Variants in N4BP2 observed in about 807,000 individuals in gnomAD.
N4BP2 encodes NEDD4 binding protein 2.
Under a neutral mutation model 152.8 loss-of-function variants are expected in N4BP2, and 91 were observed. The observed-to-expected ratio is 0.60, with a 90% confidence interval of 0.50 to 0.71. The LOEUF (loss-of-function observed/expected upper bound fraction) is 0.71, where lower values mean the gene tolerates loss of function less well. Among genes scored for constraint, N4BP2 ranks in the 30% least tolerant of loss-of-function variants. The pLI is 0.00. For missense variants in N4BP2, 1,923 were observed against 2,059.1 expected (o/e 0.93, Z 1.28); for synonymous variants, 646 against 705.3 (o/e 0.92, Z 1.33).
the N4BP2 span, among the ~76,000 whole-genome samples, chr4:40,168,559 AG>A: frequency 1.4e-5 from 2 of 144,364 alleles, no homozygotes; most frequent in Admixed American, 7.2e-5. Flanking sequence ...TATAAATATA[AG>A]GATAACATCA....
In N4BP2 at chr4:40,102,354, T is replaced by A; in HGVS notation, c.509T>A (p.Val170Asp). Residue 170 changes from valine to aspartate, a missense_variant, in exon 4 of 18, where the codon GTT becomes GAT. By Grantham distance (152) the Val-to-Asp change is radical. Transcript: ENST00000261435. ...TACTCATTTTTGCCTTCACAAGATG[T>A]TAATAGTTTTAATGACTCAAGTGAG... ...QVYSFLPSQD[V>D]NSFNDSSEFI... The A allele has an allele frequency of 6.2e-7, 1 of 1,613,272 alleles. No homozygotes were observed. Among genetic ancestry groups the A allele is most frequent in the Non-Finnish European group, 8.5e-7 (1 of 1,179,762 alleles).
chr4:40,108,463 G>A (rs6849159), intron 5 of N4BP2, among the ~76,000 whole-genome samples: 3,546 of 151,676 alleles, frequency 0.023, 141 homozygotes, highest in African/African-American at 0.08. Context: ...TTACAGGCAC[G>A]TGCCACCATG....
Position 40,142,700 on chromosome 4 carries a change from A to C in N4BP2, c.4813A>C (p.Thr1605Pro), listed in dbSNP as rs1720139155. 3.7e-6 allele frequency: 6 copies of C among 1,611,088 alleles called. No homozygotes were observed. The highest frequency in any genetic ancestry group is 5.1e-6 in the Non-Finnish European group (6 of 1,179,180). ...AAAGAAATTAAAAGAGACTGAAGAA[A>C]CACCAAGTGAACTGTCTTTCCAGGA... ...KPKKLKETEE[T>P]PSELSFQDFE... Residue 1605 changes from threonine to proline, a missense_variant, in exon 15 of 18, where the codon ACA becomes CCA. Thr to Pro is a conservative substitution (Grantham distance 38, BLOSUM62 -1). Transcript: ENST00000261435.
intron 5 of N4BP2, among the ~76,000 whole-genome samples, chr4:40,110,912 A>G (rs1716815831): frequency 6.6e-6 from 1 of 152,070 alleles, no homozygotes; most frequent in Non-Finnish European, 1.5e-5. Flanking sequence ...AACTTTGAAA[A>G]CTTCCAAATA....
intron 14 of N4BP2, among the ~76,000 whole-genome samples, chr4:40,137,337 GTA>G (rs1368890523): frequency 6.6e-6 from 1 of 152,170 alleles, no homozygotes; most frequent in East Asian, 1.9e-4. Context: ...ACACAGTAGA[GTA>G]TGTGGTTTAA....
chr4:40,182,803 A>G, the N4BP2 span, among the ~76,000 whole-genome samples: 11 of 151,940 alleles, frequency 7.2e-5, no homozygotes, highest in Non-Finnish European at 1.5e-4. Flanking sequence ...CAGCCTCCCA[A>G]GTAGCTGGGA....
chr4:40,126,061 TATAAC>T lies in N4BP2; in HGVS notation c.4331-71_4331-67del, dbSNP rs546755427. The T allele has an allele frequency of 6.8e-4, 647 of 955,942 alleles. 5 individuals are homozygous for T. The East Asian group carries it at 0.018, about 26-fold the overall frequency. The allele number at this position is 955,942 out of a possible 1,614,324, so 59.2% of individuals were successfully genotyped here. On this transcript the variant is annotated intron_variant, in intron 11 of 17. Coordinates refer to ENST00000261435, the MANE Select transcript of N4BP2 (RefSeq NM_018177.6). ...CTGTTTCCTTGGTCTCTGAGGTAAA[TATAAC>T]AGAGTGAATAATGTTTAATTTATAC...
intron 5 of N4BP2, among the ~76,000 whole-genome samples, chr4:40,110,793 A>G (rs1274777031): frequency 6.6e-6 from 1 of 152,138 alleles, no homozygotes; most frequent in Non-Finnish European, 1.5e-5. Context: ...CCGCCTCAGT[A>G]TCCCAAAGTG....
intron 15 of N4BP2, among the ~76,000 whole-genome samples, chr4:40,143,493 G>A (rs1177899684): frequency 2.0e-5 from 3 of 151,934 alleles, no homozygotes; most frequent in Admixed American, 2.0e-4. Flanking sequence ...TTTGTATGGG[G>A]TCTTACCATG....
At chr4:40,088,779 C>T (rs778848479) in intron 2 of N4BP2, among the ~76,000 whole-genome samples, 4 of 152,204 alleles carry the variant, frequency 2.6e-5, no homozygotes, top group African/African-American at 4.8e-5. Context: ...GGATTACAGG[C>T]ATGAGCCACC....
At chr4:40,088,053 C>T (rs770342383) in intron 2 of N4BP2, among the ~76,000 whole-genome samples, 28 of 152,266 alleles carry the variant, frequency 1.8e-4, no homozygotes, top group African/African-American at 5.5e-4. Flanking sequence ...CCACCACGCC[C>T]GGCTACGACT....
At chr4:40,057,229 G>A (rs939076282) in intron 1 of N4BP2, 199 bp downstream of exon 1, 2 of 152,282 alleles carry the variant, frequency 1.3e-5, no homozygotes, top group African/African-American at 4.8e-5. Context: ...CCGGACGGAA[G>A]GGAAGTGAGG....
the N4BP2 span, among the ~76,000 whole-genome samples, chr4:40,181,825 G>A: frequency 1.3e-5 from 2 of 152,146 alleles, no homozygotes; most frequent in South Asian, 2.1e-4. Context: ...GGCACACACC[G>A]GTAGTCCCAA....
In N4BP2 at chr4:40,152,908, G is replaced by T. The variant is rs1196475731; in HGVS notation, c.5267+5G>T. 1 of 1,613,328 alleles carries T rather than the reference G, an allele frequency of 6.2e-7. No individual in the cohort carries two copies. Among genetic ancestry groups the T allele is most frequent in the Non-Finnish European group, 8.5e-7 (1 of 1,179,734 alleles). On this transcript the variant is annotated splice_donor_5th_base_variant and intron_variant, in intron 17 of 17. Transcript: ENST00000261435. ...CCTCATAAGCCATAGCTTCAGGTGA[G>T]TGTAGATTTCTGTTATTAATAATGG...
At chr4:40,117,796 A>C in intron 7 of N4BP2, 73 bp from the exon 8 acceptor site, 2 of 1,271,696 alleles carry the variant, frequency 1.6e-6, no homozygotes, top group Non-Finnish European at 2.2e-6. Flanking sequence ...TTGTTTTCCT[A>C]GACATATGTT....
intron 1 of N4BP2, among the ~76,000 whole-genome samples, chr4:40,057,625 C>T (rs1374938522): frequency 2.0e-5 from 3 of 152,182 alleles, no homozygotes; most frequent in Admixed American, 1.3e-4. Flanking sequence ...CTGCCCCCAT[C>T]TGCAACTTTG....
At chr4:40,179,393 G>A in the N4BP2 span, among the ~76,000 whole-genome samples, 2 of 152,012 alleles carry the variant, frequency 1.3e-5, no homozygotes, top group African/African-American at 2.4e-5. Flanking sequence ...ACAAACAAAC[G>A]AAAAACATTT....
chr4:40,120,008 A>G lies in N4BP2; in HGVS notation c.1897A>G (p.Thr633Ala). 1 of 1,578,988 alleles carries G rather than the reference A, an allele frequency of 6.3e-7. No homozygotes were observed. Among genetic ancestry groups the G allele is most frequent in the Non-Finnish European group, 8.7e-7 (1 of 1,152,106 alleles). ...LSLSLKHLEF[T>A]EEKNLDVTKE... ...TTTATCTTTGAAGCATCTAGAGTTC[A>G]CTGAAGAGAAGAATCTTGATGTAAC... is the stretch of plus-strand genomic sequence containing the variant. The change falls in exon 9 of 18, where the codon ACT becomes GCT. Residue 633 changes from threonine (T) to alanine (A), a missense_variant. Physicochemically the swap from Thr to Ala is moderately conservative, Grantham distance 58. Coordinates refer to ENST00000261435, the MANE Select transcript of N4BP2 (RefSeq NM_018177.6).
chr4:40,114,155 A>G (rs1717150263), intron 7 of N4BP2, among the ~76,000 whole-genome samples: 1 of 152,194 alleles, frequency 6.6e-6, no homozygotes, highest in Non-Finnish European at 1.5e-5. Context: ...AATGTTAGTC[A>G]AGGCATGGAT....
Sources: allele counts gnomAD v4.1 joint callset (sites outside exome capture counted in the v4.1 genomes callset), GRCh38; gene constraint gnomAD v4.1.1; transcripts MANE v1.5; gene names NCBI Gene and HGNC (gene_info 2026-07-23, HGNC 2026-07-21).